ZNF821: variants seen among roughly 807,000 people sequenced by gnomAD.
The protein encoded by ZNF821 is zinc finger protein 821.
Under a neutral mutation model 44.3 loss-of-function variants are expected in ZNF821, and 16 were observed. That is an observed-to-expected ratio of 0.36 (90% CI 0.24 to 0.55). ZNF821 has a LOEUF of 0.55. ZNF821 is among the 20% of genes least tolerant of loss of function. ZNF821 has a pLI of 0.86. For missense variants in ZNF821, 436 were observed against 547.6 expected, an observed-to-expected ratio of 0.80 and a Z score of 2.03; for synonymous variants, 204 against 197.6, an observed-to-expected ratio of 1.03 and a Z score of -0.27.
intron 3 of ZNF821, among the ~76,000 whole-genome samples, chr16:71,871,623 T>C (rs1221868937): frequency 6.6e-6 from 1 of 152,170 alleles, no homozygotes; most frequent in Non-Finnish European, 1.5e-5. Context: ...TATTCCCTTC[T>C]GTCTTGAGAC....
chr16:71,859,738 C>T lies in ZNF821; in HGVS notation c.*280G>A, dbSNP rs535739726. 76 of 422,996 alleles carry T rather than the reference C, an allele frequency of 1.8e-4. No homozygotes were observed. Among genetic ancestry groups the T allele is most frequent in the Non-Finnish European group, 1.7e-4 (40 of 239,648 alleles). The allele number at this position is 422,996 out of a possible 1,614,324, so 26.2% of individuals were successfully genotyped here. On this transcript the variant is annotated 3_prime_UTR_variant, in exon 8 of 8. Transcript: ENST00000425432. Reference sequence around the variant, plus strand: ...ACAACTTCATGGGCCACACAGGGGCCCCACAGTCCTAGAAGCACAGCCTGT... The same window carrying T: ...ACAACTTCATGGGCCACACAGGGGCTCCACAGTCCTAGAAGCACAGCCTGT...
At position 71,890,764 on chromosome 16, in the gene ZNF821, C is replaced by CTTTTTTTTT. The variant is rs750537169; in HGVS notation, n.448+4116_448+4124dup. 1.5e-4 allele frequency: 10 copies of CTTTTTTTTT among 65,470 alleles called. 1 individual carries two copies. Among genetic ancestry groups the CTTTTTTTTT allele is most frequent in the African/African-American group, 5.9e-4 (8 of 13,592 alleles). 4.1% of individuals were successfully genotyped at this position (65,470 alleles called of 1,614,324 possible). A position where few individuals can be genotyped will look rare whatever the true frequency, so the allele number is the denominator to read the frequency against. On this transcript the variant is annotated intron_variant and non_coding_transcript_variant, in intron 1 of 2. Transcript: ENST00000561700. ...CACATTCATGCTCCTCCCCTTCCTG[C>CTTTTTTTTT]TTTTTTTTTTTTTTTTTTTTTTTTT...
intron 7 of ZNF821, 113 bp downstream of exon 7, chr16:71,861,663 A>T (rs1450336319): frequency 8.0e-7 from 1 of 1,254,452 alleles, no homozygotes; most frequent in Non-Finnish European, 1.1e-6. Context: ...TCCAAGGAGC[A>T]TGCATCAGCT....
At position 71,861,657 on chromosome 16, in the gene ZNF821, A is replaced by C. The variant is rs2033912212; in HGVS notation, c.584+119T>G. 3.4e-6 allele frequency: 4 copies of C among 1,192,924 alleles called. No homozygotes were observed. The East Asian group carries it at 9.6e-5, about 29-fold the overall frequency. The allele number at this position is 1,192,924 out of a possible 1,614,324, so 73.9% of individuals were successfully genotyped here. ...CCTAGCCTTCTTACTTGTACTTCCAAGGAGCATGCATCAGCTGCCTTTGCA... is the reference window on the plus strand; with the variant it reads ...CCTAGCCTTCTTACTTGTACTTCCACGGAGCATGCATCAGCTGCCTTTGCA... On this transcript the variant is annotated intron_variant, in intron 7 of 7. Transcript: ENST00000425432.
intron 3 of ZNF821, among the ~76,000 whole-genome samples, chr16:71,877,919 C>CA (rs911843555): frequency 1.1e-4 from 15 of 139,456 alleles, no homozygotes; most frequent in East Asian, 2.1e-4. Flanking sequence ...CACCTCATCT[C>CA]AAAAAAAAAT....
rs1435148830 is a variant in ZNF821 at position 71,894,838 on chromosome 16, G to C, written n.448+51C>G. 2.6e-6 allele frequency: 4 copies of C among 1,534,366 alleles called. 1 individual carries two copies. The highest frequency in any genetic ancestry group is 4.9e-5 in the East Asian group (2 of 40,872). ...CTTCCAGGCTTAAGCAGCGATAATG[G>C]TTTTCAAGTTAAAAACAAAGGTAAC... On this transcript the variant is annotated intron_variant and non_coding_transcript_variant, in intron 1 of 2. Transcript: ENST00000561700.
exon 1 of ZNF821, chr16:71,895,090 C>T: frequency 2.6e-6 from 1 of 387,452 alleles, no homozygotes; most frequent in Non-Finnish European, 4.7e-6. Flanking sequence ...CCCCCTCGGC[C>T]GCTCCACCCA....
intron 3 of ZNF821, among the ~76,000 whole-genome samples, chr16:71,875,902 A>C (rs1006658930): frequency 2.6e-5 from 4 of 152,142 alleles, no homozygotes; most frequent in African/African-American, 9.7e-5. Context: ...CCTAGCCTCC[A>C]TCTATTTTTC....
Position 71,860,202 on chromosome 16 carries a change from A to G in ZNF821, c.1055T>C (p.Leu352Pro). 1.2e-6 allele frequency: 2 copies of G among 1,613,826 alleles called. No individual in the cohort carries two copies. Among genetic ancestry groups the G allele is most frequent in the Non-Finnish European group, 1.7e-6 (2 of 1,179,936 alleles). The change falls in exon 8 of 8, where the codon CTC (leucine) becomes CCC (proline). Residue 352 changes from leucine to proline, a missense_variant. By Grantham distance (98) the Leu-to-Pro change is moderately conservative. Around this residue, in one of 5 missense-constraint regions of ZNF821, gnomAD observed 72 missense variants for 133.3 expected, o/e 0.54. Coordinates refer to ENST00000425432, the MANE Select transcript of ZNF821 (RefSeq NM_001201552.2). The surrounding 1 kb of genome is among the most constrained non-coding windows in gnomAD (Gnocchi z 7.3). ...GTCCATTTTCTCCAGCCTCCTCTTG[A>G]GCCGCTTGGCCTCTCGCTCTCGGAT... The part of the protein sequence containing the change: ...RLIREREAKR[L>P]KRRLEKMDMM...
chr16:71,867,826 C>T (rs1567414925), intron 4 of ZNF821, 86 bp downstream of exon 4: 1 of 1,472,280 alleles, frequency 6.8e-7, no homozygotes, highest in Non-Finnish European at 9.0e-7. Flanking sequence ...TTTCTCCCAA[C>T]CCCCATGCAC....
intron 3 of ZNF821, among the ~76,000 whole-genome samples, chr16:71,877,350 T>G (rs1008283637): frequency 6.6e-6 from 1 of 152,136 alleles, no homozygotes; most frequent in Non-Finnish European, 1.5e-5. Flanking sequence ...AGCCTCAACT[T>G]CCCAGGCTCC....
chr16:71,885,349 C>G (rs1188370569), upstream of ZNF821: 2 of 152,432 alleles, frequency 1.3e-5, no homozygotes, highest in East Asian at 3.9e-4. Flanking sequence ...AGCCCCAGCT[C>G]TGCCACCCAC....
At chr16:71,867,555 G>A (rs1235911563) in intron 4 of ZNF821, among the ~76,000 whole-genome samples, 10 of 151,988 alleles carry the variant, frequency 6.6e-5, no homozygotes, top group African/African-American at 2.4e-5. Flanking sequence ...GCATGGTGGT[G>A]TATGCCTGTA....
intron 5 of ZNF821, 98 bp downstream of exon 5, chr16:71,864,805 C>G (rs530778051): frequency 6.7e-7 from 1 of 1,495,614 alleles, no homozygotes; most frequent in African/African-American, 1.4e-5. Flanking sequence ...CCCAGGAGAC[C>G]ATCAGAGGCA....
At chr16:71,873,925 T>C (rs2035507724) in intron 3 of ZNF821, among the ~76,000 whole-genome samples, 1 of 151,770 alleles carries the variant, frequency 6.6e-6, no homozygotes, top group South Asian at 2.1e-4. Context: ...AGTGCTGAGA[T>C]TACAGGTGTG....
upstream of ZNF821, among the ~76,000 whole-genome samples, chr16:71,887,036 G>C (rs914548496): frequency 6.6e-6 from 1 of 152,132 alleles, no homozygotes; most frequent in Admixed American, 6.6e-5. Context: ...TTTTATGGCT[G>C]AATTATATTC....
Position 71,859,845 on chromosome 16 carries a change from C to T in ZNF821, c.*173G>A, listed in dbSNP as rs547417508. 13 of 739,550 alleles carry T rather than the reference C, an allele frequency of 1.8e-5. No homozygotes were observed. In the South Asian group the frequency reaches 2.3e-4, roughly 13 times the overall value. The allele number at this position is 739,550 out of a possible 1,614,324, so 45.8% of individuals were successfully genotyped here. A position where few individuals can be genotyped will look rare whatever the true frequency, so the allele number is the denominator to read the frequency against. On this transcript the variant is annotated 3_prime_UTR_variant, in exon 8 of 8. Coordinates refer to ENST00000425432, the MANE Select transcript of ZNF821 (RefSeq NM_001201552.2). ...CCTTGAGCCAGGTCCCTCCTGACCC[C>T]ATCATCCTGTTCCCATATGCAAGGG...
At chr16:71,891,245 C>CA (rs1295351904) in intron 1 of ZNF821, among the ~76,000 whole-genome samples, 2 of 152,136 alleles carry the variant, frequency 1.3e-5, no homozygotes, top group Non-Finnish European at 2.9e-5. Flanking sequence ...GTCATTTACA[C>CA]AAAAAAAGTA....
At chr16:71,891,327 A>G (rs1245256643) in intron 1 of ZNF821, 1 of 152,224 alleles carries the variant, frequency 6.6e-6, no homozygotes, top group Non-Finnish European at 1.5e-5. Context: ...TTCAAGGGAA[A>G]CAGTGTTTAT....
Sources: gnomAD v4.1 joint callset for allele counts (sites outside exome capture counted in the v4.1 genomes callset) on GRCh38, gnomAD v4.1.1 for gene constraint, gnomAD v4.1.1 regional missense constraint, Gnocchi (gnomAD v3.1) non-coding constraint, MANE v1.5 for transcripts, NCBI Gene and HGNC (gene_info 2026-07-23, HGNC 2026-07-21) for gene names.